PRKCE: variants seen among roughly 807,000 people sequenced by gnomAD.
PRKCE encodes protein kinase C epsilon.
A neutral mutation model predicts 85.4 loss-of-function variants in PRKCE; 16 were observed. That is an observed-to-expected ratio of 0.19 (90% CI 0.13 to 0.28). The LOEUF (loss-of-function observed/expected upper bound fraction) is 0.28, where lower values mean the gene tolerates loss of function less well. Among genes scored for constraint, PRKCE ranks in the 10% least tolerant of loss-of-function variants. The probability of loss-of-function intolerance (pLI) is 1.00; values close to 1 mark genes in which losing one functional copy is unlikely to be tolerated. For synonymous variants in PRKCE, 388 were observed against 371.5 expected (o/e 1.04, Z -0.51); for missense variants, 573 against 975.2 (o/e 0.59, Z 5.49).
At chr2:45,761,707 G>T (rs867785884) in intron 1 of PRKCE, among the ~76,000 whole-genome samples, 1 of 152,052 alleles carries the variant, frequency 6.6e-6, no homozygotes, top group Non-Finnish European at 1.5e-5. Flanking sequence ...TTCTAAGCTT[G>T]CCCTGGCTTC....
intron 2 of PRKCE, among the ~76,000 whole-genome samples, chr2:45,844,601 G>T (rs1310123105): frequency 6.6e-6 from 1 of 152,256 alleles, no homozygotes; most frequent in Non-Finnish European, 1.5e-5. Context: ...AGGTTTTGCA[G>T]TGTGGCCTCC....
chr2:45,765,967 A>T (rs1684880487), intron 1 of PRKCE, among the ~76,000 whole-genome samples: 1 of 152,210 alleles, frequency 6.6e-6, no homozygotes, highest in African/African-American at 2.4e-5. Flanking sequence ...ACCTTATTGC[A>T]ATGAAGTTGC....
chr2:45,665,921 C>T (rs1675889205), intron 1 of PRKCE, among the ~76,000 whole-genome samples: 1 of 152,094 alleles, frequency 6.6e-6, no homozygotes, highest in Non-Finnish European at 1.5e-5. Context: ...GGAAACGTAG[C>T]CTCTTGTTAA....
chr2:45,977,475 A>G (rs1307626707), intron 3 of PRKCE, among the ~76,000 whole-genome samples: 1 of 151,930 alleles, frequency 6.6e-6, no homozygotes, highest in Admixed American at 6.6e-5. Flanking sequence ...TGTGTCTACT[A>G]AAAATACAAA....
rs34381919 is a variant in PRKCE at position 45,949,426 on chromosome 2, G to GTT, written c.413-26992_413-26991dup. On this transcript the variant is annotated intron_variant, in intron 2 of 14. Coordinates refer to ENST00000306156, the MANE Select transcript of PRKCE (RefSeq NM_005400.3). Reference sequence around the variant, plus strand: ...TGTTTTTTTTTTTTTTTTGATTGTTGTTTTTTTTTTTTCCTTGAGGGTAGG... The same window carrying GTT: ...TGTTTTTTTTTTTTTTTTGATTGTTGTTTTTTTTTTTTTTCCTTGAGGGTAGG... Among the ~76,000 whole-genome samples, 186 of 113,958 alleles carry GTT rather than the reference G, an allele frequency of 1.6e-3. 1 individual carries two copies. The highest frequency in any genetic ancestry group is 2.2e-3 in the Non-Finnish European group (127 of 56,674). 74.8% of individuals were successfully genotyped at this position (113,958 alleles called of 152,430 possible).
chr2:46,056,964 C>T (rs1666640861), intron 10 of PRKCE, among the ~76,000 whole-genome samples: 1 of 152,170 alleles, frequency 6.6e-6, no homozygotes, highest in Non-Finnish European at 1.5e-5. Flanking sequence ...GGTTCTGGCT[C>T]AGGGCCTCTT....
chr2:45,834,445 G>A (rs192644173), intron 1 of PRKCE, among the ~76,000 whole-genome samples: 2 of 152,326 alleles, frequency 1.3e-5, no homozygotes, highest in East Asian at 3.9e-4. Context: ...GTAAATGGGC[G>A]TAGAATAAAG....
intron 1 of PRKCE, among the ~76,000 whole-genome samples, chr2:45,736,236 C>T (rs1682048292): frequency 6.6e-6 from 1 of 152,142 alleles, no homozygotes; most frequent in South Asian, 2.1e-4. Context: ...TTTGGGATTA[C>T]AGGTGTGAGC....
chr2:46,029,018 C>T (rs991741525), intron 10 of PRKCE, among the ~76,000 whole-genome samples: 1 of 152,158 alleles, frequency 6.6e-6, no homozygotes, highest in African/African-American at 2.4e-5. Flanking sequence ...GCATATTATT[C>T]CATGGTGTGT....
At chr2:45,942,255 A>G (rs574554653) in intron 2 of PRKCE, among the ~76,000 whole-genome samples, 2 of 152,304 alleles carry the variant, frequency 1.3e-5, no homozygotes, top group South Asian at 4.1e-4. Context: ...AAAAACACCA[A>G]TTAGAGAAGC....
Position 45,806,868 on chromosome 2 carries a change from G to A in PRKCE, c.349-36132G>A, listed in dbSNP as rs531027879. Among the ~76,000 whole-genome samples, 78 of 152,306 alleles carry A rather than the reference G, an allele frequency of 5.1e-4. 1 individual carries two copies. The highest frequency in any genetic ancestry group is 1.7e-3 in the African/African-American group (69 of 41,566). On this transcript the variant is annotated intron_variant, in intron 1 of 14. Coordinates refer to ENST00000306156, the MANE Select transcript of PRKCE (RefSeq NM_005400.3). ...GGAAGCTCTGAGATCCCATGGGCCT[G>A]GGAAGGTAGGGTCCGGGCTTGCTGC...
At chr2:45,696,046 C>T (rs188734295) in intron 1 of PRKCE, among the ~76,000 whole-genome samples, 4 of 151,010 alleles carry the variant, frequency 2.6e-5, no homozygotes, top group African/African-American at 7.3e-5. Context: ...CCCATTAACT[C>T]GTCATTTAGC....
intron 13 of PRKCE, among the ~76,000 whole-genome samples, chr2:46,157,907 A>G (rs560625810): frequency 6.6e-6 from 1 of 152,218 alleles, no homozygotes; most frequent in Admixed American, 6.5e-5. Flanking sequence ...GCTACTGCCT[A>G]TGTGAAGGTG....
At chr2:45,832,515 A>T (rs1690514639) in intron 1 of PRKCE, among the ~76,000 whole-genome samples, 1 of 151,932 alleles carries the variant, frequency 6.6e-6, no homozygotes, top group South Asian at 2.1e-4. Flanking sequence ...GTTTCGCCAT[A>T]TTGGCCAAGC....
chr2:45,761,979 A>G (rs1684545299), intron 1 of PRKCE, among the ~76,000 whole-genome samples: 1 of 152,142 alleles, frequency 6.6e-6, no homozygotes, highest in Non-Finnish European at 1.5e-5. Context: ...GTTACTGCAG[A>G]TCAGGCATTG....
At chr2:45,914,957 T>C (rs535122128) in intron 2 of PRKCE, among the ~76,000 whole-genome samples, 1 of 152,244 alleles carries the variant, frequency 6.6e-6, no homozygotes, top group African/African-American at 2.4e-5. Context: ...TTTGTTTGTT[T>C]GAGACAAGAG....
intron 13 of PRKCE, among the ~76,000 whole-genome samples, chr2:46,153,580 G>A (rs1041931655): frequency 6.6e-6 from 1 of 152,132 alleles, no homozygotes; most frequent in African/African-American, 2.4e-5. Context: ...GCTACTGGGG[G>A]AAAGGGCGTC....
chr2:45,908,007 C>T (rs1031528893), intron 2 of PRKCE, among the ~76,000 whole-genome samples: 6 of 152,144 alleles, frequency 3.9e-5, no homozygotes, highest in African/African-American at 1.2e-4. Flanking sequence ...ATTATCACCC[C>T]ATTTTTGAGA....
chr2:45,707,968 C>G (rs1679259965), intron 1 of PRKCE, among the ~76,000 whole-genome samples: 1 of 152,220 alleles, frequency 6.6e-6, no homozygotes, highest in African/African-American at 2.4e-5. Context: ...GGGTTGCATT[C>G]CTGCTACTTC....
Sources: allele counts gnomAD v4.1 joint callset (sites outside exome capture counted in the v4.1 genomes callset), GRCh38; gene constraint gnomAD v4.1.1; transcripts MANE v1.5; gene names NCBI Gene and HGNC (gene_info 2026-07-23, HGNC 2026-07-21).